HYCC1: variants seen among roughly 807,000 people sequenced by gnomAD.
The protein encoded by HYCC1 is hyccin PI4KA lipid kinase complex subunit 1, also known as hyccin.
the HYCC1 span, among the ~76,000 whole-genome samples, chr7:22,900,270 C>T: frequency 2.0e-4 from 30 of 152,236 alleles, no homozygotes; most frequent in Non-Finnish European, 3.7e-4. Flanking sequence ...ACACTAAGTA[C>T]ATTTGACAAG....
At chr7:22,934,626 T>A in the HYCC1 span, 1 of 152,182 alleles carries the variant, frequency 6.6e-6, no homozygotes, top group Non-Finnish European at 1.5e-5. Flanking sequence ...ATGGCTATGA[T>A]TTATTAGAGA....
At chr7:23,003,474 A>G in the HYCC1 span, among the ~76,000 whole-genome samples, 1 of 152,216 alleles carries the variant, frequency 6.6e-6, no homozygotes, top group African/African-American at 2.4e-5. Flanking sequence ...AGGAATGTAA[A>G]AGAAAGCCCA....
At chr7:22,975,979 C>G in the HYCC1 span, among the ~76,000 whole-genome samples, 1 of 152,176 alleles carries the variant, frequency 6.6e-6, no homozygotes, top group Admixed American at 6.5e-5. Context: ...CTCAGGTTCT[C>G]AAAGTGCTGA....
chr7:22,936,699 G>C, the HYCC1 span: 4 of 122,584 alleles, frequency 3.3e-5, no homozygotes, highest in African/African-American at 1.2e-4. Context: ...GCTCACTTTC[G>C]GTGCAAAGCA....
At chr7:22,906,958 A>G in the HYCC1 span, among the ~76,000 whole-genome samples, 1 of 151,996 alleles carries the variant, frequency 6.6e-6, no homozygotes, top group Non-Finnish European at 1.5e-5. Flanking sequence ...ACAAAAAATT[A>G]GCTGGGCATG....
the HYCC1 span, among the ~76,000 whole-genome samples, chr7:22,996,390 A>C: frequency 2.0e-5 from 3 of 151,928 alleles, no homozygotes; most frequent in East Asian, 5.8e-4. Flanking sequence ...GAATTCTATA[A>C]AGTATAGGAT....
chr7:22,958,789 AT>A, the HYCC1 span, among the ~76,000 whole-genome samples: 1 of 152,138 alleles, frequency 6.6e-6, no homozygotes, highest in African/African-American at 2.4e-5. Flanking sequence ...AATATTTCAC[AT>A]TTTTAACTGC....
the HYCC1 span, chr7:22,991,177 A>G: frequency 1.5e-6 from 2 of 1,350,692 alleles, no homozygotes; most frequent in African/African-American, 2.9e-5. Context: ...CGTTTTGAAT[A>G]TATTTTATTT....
At chr7:22,923,995 G>GAAA in the HYCC1 span, among the ~76,000 whole-genome samples, 7 of 114,530 alleles carry the variant, frequency 6.1e-5, no homozygotes, top group South Asian at 2.9e-4. Flanking sequence ...TGACTTTAAT[G>GAAA]AAAAAAAAAA....
chr7:22,968,777 A>C, the HYCC1 span, among the ~76,000 whole-genome samples: 5 of 152,104 alleles, frequency 3.3e-5, no homozygotes, highest in Admixed American at 2.0e-4. Context: ...TCACAAGGTC[A>C]GGTTTCAAGA....
chr7:22,982,217 A>G, the HYCC1 span, among the ~76,000 whole-genome samples: 1 of 152,240 alleles, frequency 6.6e-6, no homozygotes, highest in Non-Finnish European at 1.5e-5. Context: ...TTTAAAAAGT[A>G]AAATCCTTCA....
At chr7:22,950,915 T>C in the HYCC1 span, among the ~76,000 whole-genome samples, 2 of 151,546 alleles carry the variant, frequency 1.3e-5, no homozygotes, top group Admixed American at 6.6e-5. Context: ...AAACAAGTAC[T>C]TGACTTCAAA....
the HYCC1 span, among the ~76,000 whole-genome samples, chr7:22,989,711 A>G: frequency 2.0e-5 from 3 of 152,188 alleles, no homozygotes; most frequent in African/African-American, 7.2e-5. Flanking sequence ...ATGTCACTTC[A>G]TGATGACTTG....
the HYCC1 span, among the ~76,000 whole-genome samples, chr7:22,957,404 A>C: frequency 1.3e-5 from 2 of 151,848 alleles, no homozygotes; most frequent in Non-Finnish European, 2.9e-5. Flanking sequence ...TAGAAAGAGG[A>C]GAAATTAGAG....
At chr7:22,917,614 G>A in the HYCC1 span, among the ~76,000 whole-genome samples, 1 of 152,162 alleles carries the variant, frequency 6.6e-6, no homozygotes, top group Non-Finnish European at 1.5e-5. Flanking sequence ...GGCCACTGTG[G>A]TCATTTCTTC....
chr7:22,902,511 T>C, the HYCC1 span, among the ~76,000 whole-genome samples: 1 of 151,994 alleles, frequency 6.6e-6, no homozygotes, highest in African/African-American at 2.4e-5. Flanking sequence ...GGAACCAAAA[T>C]TTAAATAATC....
chr7:22,946,035 T>C, the HYCC1 span: 1 of 1,613,778 alleles, frequency 6.2e-7, no homozygotes, highest in Non-Finnish European at 8.5e-7. Flanking sequence ...ATACTTGGCT[T>C]GTTACTACAA....
chr7:22,989,531 T>A, the HYCC1 span, among the ~76,000 whole-genome samples: 2,576 of 152,032 alleles, frequency 0.017, 37 homozygotes, highest in Non-Finnish European at 0.019. Flanking sequence ...TATTTATTTT[T>A]TTTTTTTGGA....
chr7:23,010,170 A>G, the HYCC1 span, among the ~76,000 whole-genome samples: 1 of 152,192 alleles, frequency 6.6e-6, no homozygotes, highest in Non-Finnish European at 1.5e-5. Flanking sequence ...GATGATGATA[A>G]CAAAGAAATA....
Sources: allele counts gnomAD v4.1 joint callset (sites outside exome capture counted in the v4.1 genomes callset), GRCh38; gene constraint gnomAD v4.1.1; transcripts MANE v1.5; gene names NCBI Gene and HGNC (gene_info 2026-07-23, HGNC 2026-07-21).